The following CTIF variants were observed in gnomAD, a reference collection of about 807,000 sequenced individuals.
The protein encoded by CTIF is CBP80/20-dependent translation initiation factor.
A neutral mutation model predicts 66.0 loss-of-function variants in CTIF; 21 were observed. The observed-to-expected ratio is 0.32, with a 90% CI of 0.23 to 0.46. The LOEUF (loss-of-function observed/expected upper bound fraction) is 0.46. Ranked by LOEUF, CTIF falls within the 20% of genes least tolerant of loss-of-function variation. CTIF has a pLI of 1.00. For synonymous variants in CTIF, 345 were observed against 326.4 expected (o/e 1.06, Z -0.62); for missense variants, 739 against 812.7 (o/e 0.91, Z 1.10).
rs770945661 is a variant in CTIF, at chr18:48,663,775, G to A, written c.276G>A (p.Leu92=). ...AGAATGGCAGCAAAGACAACTCTCT[G>A]GACATGCTGGGCACGGACATCTGGG... is the stretch of plus-strand genomic sequence containing the variant. ...PQQNGSKDNS[L]DMLGTDIWAA... Residue 92 remains leucine (L), a synonymous_variant, in exon 4 of 12, where the codon CTG becomes CTA. Transcript: ENST00000256413. 6.2e-7 allele frequency: 1 copy of A among 1,614,084 alleles called. No individual in the cohort carries two copies. The highest frequency in any genetic ancestry group is 2.2e-5 in the East Asian group (1 of 44,864).
intron 9 of CTIF, among the ~76,000 whole-genome samples, chr18:48,764,913 G>A (rs1909374461): frequency 6.6e-6 from 1 of 152,190 alleles, no homozygotes; most frequent in African/African-American, 2.4e-5. Context: ...GACTGTGCTG[G>A]TGCGGGGCTG....
chr18:48,774,239 C>T (rs141648162), intron 9 of CTIF, among the ~76,000 whole-genome samples: 5 of 152,344 alleles, frequency 3.3e-5, no homozygotes, highest in Non-Finnish European at 7.3e-5. Context: ...CCTCTCTGGG[C>T]CCCTCTGTCC....
chr18:48,839,790 C>A (rs2068896126), intron 10 of CTIF, among the ~76,000 whole-genome samples: 1 of 152,210 alleles, frequency 6.6e-6, no homozygotes, highest in South Asian at 2.1e-4. Context: ...CTACCCCCTT[C>A]AGACACCCTG....
At position 48,762,622 on chromosome 18, in the gene CTIF, G is replaced by A. The variant is rs553588387; in HGVS notation, c.1371+933G>A. 4.6e-5 allele frequency among the ~76,000 whole-genome samples: 7 copies of A among 152,310 alleles called. No homozygotes were observed. In the South Asian group the frequency reaches 1.2e-3, roughly 27 times the overall value. ...TTTCTGGTCCAGATGAGATAAAATG[G>A]TAGTTTCCAAGTAATGAAGTAGAAT... On this transcript the variant is annotated intron_variant, in intron 9 of 11. Coordinates refer to ENST00000256413, the MANE Select transcript of CTIF (RefSeq NM_014772.3).
chr18:48,667,986 G>T (rs952246025), intron 5 of CTIF, among the ~76,000 whole-genome samples: 5 of 152,250 alleles, frequency 3.3e-5, no homozygotes, highest in Admixed American at 6.5e-5. Flanking sequence ...TGCAGCCTGT[G>T]TTTCCATGGA....
At chr18:48,625,023 CAGA>C in intron 2 of CTIF, among the ~76,000 whole-genome samples, 1 of 152,118 alleles carries the variant, frequency 6.6e-6, no homozygotes, top group East Asian at 1.9e-4. Flanking sequence ...TGAGAGTGTT[CAGA>C]TCGGCTCAAT....
intron 6 of CTIF, among the ~76,000 whole-genome samples, chr18:48,708,039 G>A (rs1329802078): frequency 6.6e-6 from 1 of 152,196 alleles, no homozygotes; most frequent in Admixed American, 6.5e-5. Context: ...GTTGTAGTGT[G>A]GCTCAGAACT....
chr18:48,691,983 G>A (rs1234676348), intron 6 of CTIF, among the ~76,000 whole-genome samples: 2 of 152,222 alleles, frequency 1.3e-5, no homozygotes, highest in African/African-American at 4.8e-5. Context: ...CCGGGTTCAA[G>A]CAATTCTTGT....
chr18:48,581,461 G>C (rs1428036381), intron 1 of CTIF, among the ~76,000 whole-genome samples: 3 of 152,070 alleles, frequency 2.0e-5, no homozygotes, highest in Non-Finnish European at 4.4e-5. Flanking sequence ...CCTGAGTTGG[G>C]TTGGCAGGTT....
intron 9 of CTIF, among the ~76,000 whole-genome samples, chr18:48,801,765 C>T (rs2068054398): frequency 6.6e-6 from 1 of 152,196 alleles, no homozygotes; most frequent in African/African-American, 2.4e-5. Context: ...CAACTGCTTC[C>T]AGAGCAGAGG....
chr18:48,675,358 A>G (rs2091609373), intron 6 of CTIF, among the ~76,000 whole-genome samples: 1 of 152,154 alleles, frequency 6.6e-6, no homozygotes, highest in Non-Finnish European at 1.5e-5. Flanking sequence ...CCCAGTGTTG[A>G]GGACTGCTGG....
At chr18:48,603,183 TG>T (rs1444124951) in intron 1 of CTIF, among the ~76,000 whole-genome samples, 2 of 143,102 alleles carry the variant, frequency 1.4e-5, no homozygotes, top group Non-Finnish European at 3.0e-5. Context: ...GATAGATGGG[TG>T]GGTGGATAGG....
rs189442555 is a variant in CTIF at position 48,770,489 on chromosome 18, G to A, written c.1371+8800G>A. On this transcript the variant is annotated intron_variant, in intron 9 of 11. Transcript: ENST00000256413. ...CTCTAGATGTGCAGAGGCTGAGGGA[G>A]CCTTGGACAAAAGTCACTCCTTTCC... Among the ~76,000 whole-genome samples the A allele has an allele frequency of 8.5e-5, 13 of 152,374 alleles. No individual in the cohort carries two copies. The East Asian group carries it at 2.5e-3, about 29-fold the overall frequency.
chr18:48,817,756 C>T (rs1466038351), intron 10 of CTIF, among the ~76,000 whole-genome samples: 3 of 148,118 alleles, frequency 2.0e-5, no homozygotes, highest in East Asian at 4.0e-4. Context: ...GCCTGGGCGA[C>T]AGAGCGAGAC....
At chr18:48,744,322 A>G (rs1482463007) in intron 7 of CTIF, among the ~76,000 whole-genome samples, 1 of 152,166 alleles carries the variant, frequency 6.6e-6, no homozygotes, top group African/African-American at 2.4e-5. Context: ...CCTGGTGCGT[A>G]AGAAATTGAC....
intron 3 of CTIF, among the ~76,000 whole-genome samples, chr18:48,645,264 C>T (rs1250788278): frequency 4.7e-5 from 2 of 42,530 alleles, no homozygotes; most frequent in South Asian, 2.0e-3. Context: ...CTAGGAAATG[C>T]TAATGGACAC....
Position 48,606,600 on chromosome 18 carries a change from C to T in CTIF, c.-28-12938C>T, listed in dbSNP as rs555924050. ...TAACTTCTGGCACCCTGGACAGGAC[C>T]CAAAGGCTTGATCTGGAGCAGTTTC... On this transcript the variant is annotated intron_variant, in intron 1 of 11. Coordinates refer to ENST00000256413, the MANE Select transcript of CTIF (RefSeq NM_014772.3). Among the ~76,000 whole-genome samples, 144 of 152,316 alleles carry T rather than the reference C, an allele frequency of 9.5e-4. 1 individual carries two copies. Among genetic ancestry groups the T allele is most frequent in the African/African-American group, 3.2e-3 (134 of 41,556 alleles).
intron 3 of CTIF, among the ~76,000 whole-genome samples, chr18:48,658,817 T>G (rs1284594054): frequency 6.6e-6 from 1 of 152,188 alleles, no homozygotes; most frequent in Non-Finnish European, 1.5e-5. Context: ...CAGAGCCACG[T>G]GGCAGGGCTG....
chr18:48,543,487 G>A (rs2088672975), intron 1 of CTIF, among the ~76,000 whole-genome samples: 1 of 152,122 alleles, frequency 6.6e-6, no homozygotes, highest in Non-Finnish European at 1.5e-5. Flanking sequence ...GTTTAATTTA[G>A]AACCTTGCTA....
Sources: allele counts gnomAD v4.1 joint callset (sites outside exome capture counted in the v4.1 genomes callset), GRCh38; gene constraint gnomAD v4.1.1; transcripts MANE v1.5; gene names NCBI Gene and HGNC (gene_info 2026-07-23, HGNC 2026-07-21).